ADCY8: variants seen among roughly 807,000 people sequenced by gnomAD.
The protein encoded by ADCY8 is adenylate cyclase 8.
Under a neutral mutation model 119.7 loss-of-function variants are expected in ADCY8, and 51 were observed. The ratio of observed to expected loss-of-function variants is 0.43; its 90% CI spans 0.34 to 0.54. The LOEUF is 0.54. ADCY8 is among the 20% of genes least tolerant of loss of function. The pLI is 0.03. For synonymous variants in ADCY8, 665 were observed against 651.0 expected (o/e 1.02, Z -0.33); for missense variants, 1,383 against 1,598.8 (o/e 0.87, Z 2.30).
chr8:130,787,088 C>G (rs1245723902), intron 15 of ADCY8, among the ~76,000 whole-genome samples: 1 of 151,946 alleles, frequency 6.6e-6, no homozygotes, highest in Non-Finnish European at 1.5e-5. Context: ...GTAGTGGGGG[C>G]CAGAACACAC....
chr8:130,993,337 A>AT (rs1822661354), intron 1 of ADCY8, among the ~76,000 whole-genome samples: 1 of 152,234 alleles, frequency 6.6e-6, no homozygotes, highest in South Asian at 2.1e-4. Context: ...CTATGTAATT[A>AT]TTTATAAATC....
chr8:131,029,004 G>A (rs1823909456), intron 1 of ADCY8, among the ~76,000 whole-genome samples: 1 of 152,198 alleles, frequency 6.6e-6, no homozygotes, highest in Non-Finnish European at 1.5e-5. Context: ...ACAGCAGCAA[G>A]TGAGAGGCAG....
intron 1 of ADCY8, among the ~76,000 whole-genome samples, chr8:131,000,857 C>T (rs551533050): frequency 1.3e-5 from 2 of 151,988 alleles, no homozygotes; most frequent in African/African-American, 2.4e-5. Context: ...GAAGGAGGTG[C>T]GCGTTGTCTG....
chr8:130,822,580 A>ATCCATCCT (rs1563679292), intron 12 of ADCY8, among the ~76,000 whole-genome samples: 1 of 151,212 alleles, frequency 6.6e-6, no homozygotes, highest in African/African-American at 2.4e-5. Flanking sequence ...CCATCCATCC[A>ATCCATCCT]TCCATCCATC....
intron 8 of ADCY8, among the ~76,000 whole-genome samples, chr8:130,869,519 T>TTTTTTTTTTTTTTTTG (rs1818253684): frequency 2.9e-5 from 1 of 34,654 alleles, no homozygotes; most frequent in Non-Finnish European, 5.1e-5. Context: ...TTTTTTTTTG[T>TTTTTTTTTTTTTTTTG]TTTTTTGTTT....
At chr8:130,954,983 G>T (rs1422674719) in intron 2 of ADCY8, among the ~76,000 whole-genome samples, 1 of 152,186 alleles carries the variant, frequency 6.6e-6, no homozygotes, top group Non-Finnish European at 1.5e-5. Context: ...CCTGAAAAAT[G>T]TGTGAGGGTT....
chr8:130,800,306 A>T (rs1006701061), intron 15 of ADCY8, 120 bp downstream of exon 15: 1 of 1,128,478 alleles, frequency 8.9e-7, no homozygotes, highest in Non-Finnish European at 1.3e-6. Context: ...TGTGTTTATA[A>T]TGCAGGCTGG....
chr8:130,995,658 A>G (rs912030453), intron 1 of ADCY8, among the ~76,000 whole-genome samples: 7 of 150,982 alleles, frequency 4.6e-5, no homozygotes, highest in African/African-American at 1.7e-4. Context: ...TTCGAACACT[A>G]CTCTCCATAC....
chr8:131,012,326 C>A (rs1313577898), intron 1 of ADCY8, among the ~76,000 whole-genome samples: 1 of 152,146 alleles, frequency 6.6e-6, no homozygotes, highest in Admixed American at 6.5e-5. Flanking sequence ...AACCACAAGA[C>A]CAGCAGAGGT....
chr8:130,803,358 GC>G (rs1403075946), intron 14 of ADCY8, among the ~76,000 whole-genome samples: 3 of 152,194 alleles, frequency 2.0e-5, no homozygotes, highest in Non-Finnish European at 4.4e-5. Flanking sequence ...TATAGCCCTT[GC>G]CACCTGCATT....
intron 2 of ADCY8, among the ~76,000 whole-genome samples, chr8:130,975,896 GC>G (rs1289368547): frequency 6.6e-6 from 1 of 152,166 alleles, no homozygotes; most frequent in Non-Finnish European, 1.5e-5. Flanking sequence ...CAGTGACACT[GC>G]CCGCAATTCT....
At chr8:131,004,689 G>T (rs933012940) in intron 1 of ADCY8, among the ~76,000 whole-genome samples, 26 of 152,154 alleles carry the variant, frequency 1.7e-4, no homozygotes, top group Non-Finnish European at 2.8e-4. Flanking sequence ...GTGTGCTAGG[G>T]TTATACGTAT....
chr8:130,844,223 T>C lies in ADCY8; in HGVS notation c.2502+3201A>G, dbSNP rs1415187715. ...AACCACATCCAGATGTTTGAGATAA[T>C]GACACTCTGGGTTTGTGCATGTGAT... On this transcript the variant is annotated intron_variant, in intron 11 of 17. Transcript: ENST00000286355. Among the ~76,000 whole-genome samples, 8 of 152,194 alleles carry C rather than the reference T, an allele frequency of 5.3e-5. No homozygotes were observed. The East Asian group carries it at 1.5e-3, about 29-fold the overall frequency.
chr8:130,811,458 T>G (rs1370729640), intron 14 of ADCY8, among the ~76,000 whole-genome samples: 1 of 152,234 alleles, frequency 6.6e-6, no homozygotes, highest in Admixed American at 6.5e-5. Flanking sequence ...CCAAGCCAAC[T>G]GGCTCATTGG....
chr8:130,856,218 C>A (rs796334034), intron 9 of ADCY8, among the ~76,000 whole-genome samples: 1 of 151,986 alleles, frequency 6.6e-6, no homozygotes. Flanking sequence ...CCAGCTTACA[C>A]CTTTCCTATC....
intron 12 of ADCY8, among the ~76,000 whole-genome samples, chr8:130,833,869 G>T (rs1816909742): frequency 6.6e-6 from 1 of 152,144 alleles, no homozygotes; most frequent in African/African-American, 2.4e-5. Flanking sequence ...TAAAATTATG[G>T]TTACCAGAGA....
At chr8:130,789,213 A>G (rs866551949) in intron 15 of ADCY8, among the ~76,000 whole-genome samples, 1 of 152,206 alleles carries the variant, frequency 6.6e-6, no homozygotes, top group South Asian at 2.1e-4. Context: ...ATAATTACAT[A>G]AAACCAAATA....
intron 8 of ADCY8, among the ~76,000 whole-genome samples, chr8:130,875,611 C>T (rs1193388631): frequency 6.6e-6 from 1 of 152,164 alleles, no homozygotes; most frequent in South Asian, 2.1e-4. Context: ...ATTTGCTTAG[C>T]CTTCTTTTCT....
At chr8:130,992,429 A>ATATATATT (rs1822623381) in intron 1 of ADCY8, among the ~76,000 whole-genome samples, 1 of 37,308 alleles carries the variant, frequency 2.7e-5, no homozygotes, top group Non-Finnish European at 5.7e-5. Flanking sequence ...ATATATATAT[A>ATATATATT]TTTGAGATAG....
Sources: allele counts gnomAD v4.1 joint callset (sites outside exome capture counted in the v4.1 genomes callset), GRCh38; gene constraint gnomAD v4.1.1; transcripts MANE v1.5; gene names NCBI Gene and HGNC (gene_info 2026-07-23, HGNC 2026-07-21).